UVSSA: variants seen among roughly 807,000 people sequenced by gnomAD.
The protein encoded by UVSSA is UV stimulated scaffold protein A.
In UVSSA, 72 loss-of-function variants were observed where a neutral mutation model predicts 73.9. The ratio of observed to expected loss-of-function variants is 0.97; its 90% confidence interval spans 0.81 to 1.19. The LOEUF is 1.19. Among genes scored for constraint, UVSSA ranks in the 50% most tolerant of loss-of-function variants. The pLI, the probability that UVSSA is intolerant of heterozygous loss-of-function variation, is 0.00. For synonymous variants in UVSSA, 454 were observed against 391.3 expected, an observed-to-expected ratio of 1.16 and a Z score of -1.89; for missense variants, 1,150 against 965.0, an observed-to-expected ratio of 1.19 and a Z score of -2.54.
chr4:1,362,354 A>G (rs780425552), intron 7 of UVSSA, among the ~76,000 whole-genome samples: 4 of 152,118 alleles, frequency 2.6e-5, no homozygotes, highest in South Asian at 2.1e-4. Context: ...GAGGCTTCCA[A>G]TGCCCCGCAG....
chr4:1,380,709 C>T, intron 11 of UVSSA, 171 bp from the exon 12 acceptor site: 1 of 1,545,050 alleles, frequency 6.5e-7, no homozygotes, highest in East Asian at 2.5e-5. Flanking sequence ...GTCCCTGTGG[C>T]TCTCAGGACG....
chr4:1,392,109 TAGC>T (rs1194231975), downstream of UVSSA: 1 of 152,246 alleles, frequency 6.6e-6, no homozygotes, highest in African/African-American at 2.4e-5. Context: ...GTAACTTTCT[TAGC>T]AGCTGCTCTG....
chr4:1,381,096 C>G, intron 12 of UVSSA, 108 bp downstream of exon 12: 1 of 1,035,912 alleles, frequency 9.7e-7, no homozygotes, highest in Non-Finnish European at 1.4e-6. Context: ...CTGCCAGCTT[C>G]GTCCATGGAG....
At chr4:1,356,046 C>A (rs562668825) in intron 7 of UVSSA, among the ~76,000 whole-genome samples, 1 of 152,106 alleles carries the variant, frequency 6.6e-6, no homozygotes, top group African/African-American at 2.4e-5. Flanking sequence ...AGGTACACAG[C>A]GGCCACCCTG....
intron 12 of UVSSA, among the ~76,000 whole-genome samples, chr4:1,383,317 C>A (rs951289935): frequency 2.0e-5 from 3 of 152,208 alleles, no homozygotes; most frequent in Admixed American, 6.5e-5. Flanking sequence ...CACCAGCAGG[C>A]GTGTCCAGCA....
intron 7 of UVSSA, among the ~76,000 whole-genome samples, chr4:1,361,043 C>T (rs1310562385): frequency 6.6e-6 from 1 of 152,252 alleles, no homozygotes; most frequent in African/African-American, 2.4e-5. Context: ...GAGAGCAACA[C>T]AGACCCAGGA....
intron 8 of UVSSA, among the ~76,000 whole-genome samples, chr4:1,368,485 C>T (rs1315890222): frequency 6.6e-6 from 1 of 152,254 alleles, no homozygotes; most frequent in Non-Finnish European, 1.5e-5. Flanking sequence ...CCAAACACAA[C>T]GGTGACAGCG....
chr4:1,380,081 G>A lies in UVSSA; in HGVS notation c.1603G>A (p.Glu535Lys), dbSNP rs533405632. ...CCAGCACCGCTTCTGGAAGCCCAGC[G>A]AGGTGGAGGAGGAAGTGGTCAATGC... ...DSQHRFWKPSEVEEEVVNADI... is the reference protein window; with the variant it reads ...DSQHRFWKPSKVEEEVVNADI... The change falls in exon 11 of 14, where the codon GAG becomes AAG. Residue 535 changes from glutamate to lysine, a missense_variant. Coordinates refer to ENST00000389851, the MANE Select transcript of UVSSA (RefSeq NM_020894.4). The A allele has an allele frequency of 2.9e-5, 47 of 1,611,436 alleles. 1 individual carries two copies. The highest frequency in any genetic ancestry group is 2.2e-4 in the South Asian group (20 of 90,676).
Position 1,348,187 on chromosome 4 carries a change from C to T in UVSSA, c.96C>T (p.Cys32=). The stretch of plus-strand genomic sequence containing the variant: ...AAATGAAGGAACTGAAGAAAATTTG[C>T]AAGTATGTCTTAGGGTTCAGTAACA... The part of the protein sequence containing the change: ...PEKMKELKKI[C]KSSEEQLSRA... The change falls in exon 2 of 14, where the codon TGC becomes TGT. Residue 32 remains cysteine, a splice_region_variant and synonymous_variant. Coordinates refer to ENST00000389851, the MANE Select transcript of UVSSA (RefSeq NM_020894.4). 2 of 1,612,374 alleles carry T rather than the reference C, an allele frequency of 1.2e-6. No individual in the cohort carries two copies. Among genetic ancestry groups the T allele is most frequent in the East Asian group, 4.5e-5 (2 of 44,876 alleles).
chr4:1,360,938 C>T (rs1560449185), intron 7 of UVSSA, among the ~76,000 whole-genome samples: 1 of 152,252 alleles, frequency 6.6e-6, no homozygotes, highest in Admixed American at 6.5e-5. Flanking sequence ...AGGCCCACAA[C>T]CTCTGCTCAG....
chr4:1,372,990 G>A (rs533486942), intron 8 of UVSSA, among the ~76,000 whole-genome samples: 6 of 151,860 alleles, frequency 4.0e-5, no homozygotes, highest in African/African-American at 9.7e-5. Context: ...TTTTCAAAGC[G>A]GACCTCACCA....
At chr4:1,379,618 A>G (rs1404936689) in intron 10 of UVSSA, among the ~76,000 whole-genome samples, 1 of 152,162 alleles carries the variant, frequency 6.6e-6, no homozygotes, top group African/African-American at 2.4e-5. Flanking sequence ...ACGTCCCTGC[A>G]GTGGAAGGAC....
chr4:1,373,521 C>T (rs906562747), intron 8 of UVSSA, among the ~76,000 whole-genome samples: 1 of 152,168 alleles, frequency 6.6e-6, no homozygotes, highest in African/African-American at 2.4e-5. Flanking sequence ...TCCTTCAATC[C>T]AATCAAGTTG....
At chr4:1,349,405 A>G in intron 2 of UVSSA, 119 bp from the exon 3 acceptor site, 1 of 947,372 alleles carries the variant, frequency 1.1e-6, no homozygotes, top group Non-Finnish European at 1.5e-6. Flanking sequence ...GGGAGAATGA[A>G]GATGGGAAGG....
At chr4:1,394,409 A>G in exon 14 of UVSSA, 1 of 1,556,234 alleles carries the variant, frequency 6.4e-7, no homozygotes, top group Non-Finnish European at 8.7e-7. Context: ...TTTCATTTTC[A>G]TATTGAAATC....
At chr4:1,371,271 TGTGTG>T (rs1718003680) in intron 8 of UVSSA, among the ~76,000 whole-genome samples, 3 of 147,188 alleles carry the variant, frequency 2.0e-5, no homozygotes, top group African/African-American at 8.1e-5. Flanking sequence ...TGTGTGTGTG[TGTGTG>T]TGTGTGTGTG....
At chr4:1,360,380 C>T (rs1716450977) in intron 7 of UVSSA, among the ~76,000 whole-genome samples, 1 of 148,390 alleles carries the variant, frequency 6.7e-6, no homozygotes. Context: ...CTCCTTGAAA[C>T]ACCGCCCCAT....
At position 1,356,274 on chromosome 4, in the gene UVSSA, T is replaced by G. The variant is rs368602396; in HGVS notation, c.1176+1029T>G. 4.7e-4 allele frequency among the ~76,000 whole-genome samples: 71 copies of G among 151,998 alleles called. 1 individual carries two copies. The South Asian group carries it at 0.014, about 30-fold the overall frequency. ...TCCACAGCAGCAGACGTGCGGGGCC[T>G]TGGAAGTTGGGGGGTGGGGAAGCTC... On this transcript the variant is annotated intron_variant, in intron 7 of 13. Coordinates refer to ENST00000389851, the MANE Select transcript of UVSSA (RefSeq NM_020894.4).
rs369644768 is a variant in UVSSA at position 1,380,170 on chromosome 4, G to A, written c.1692G>A (p.Gln564=). The change falls in exon 11 of 14, where the codon CAG becomes CAA. Residue 564 remains glutamine (Q), a synonymous_variant. Coordinates refer to ENST00000389851, the MANE Select transcript of UVSSA (RefSeq NM_020894.4). ...ITFAGKFEPV[Q]HWCRAPRPDG... Reference sequence around the variant, plus strand: ...TTGCCGGGAAGTTTGAGCCTGTGCAGCACTGGTGCCGTGCCCCGAGGCCAG... The same window carrying A: ...TTGCCGGGAAGTTTGAGCCTGTGCAACACTGGTGCCGTGCCCCGAGGCCAG... The A allele has an allele frequency of 1.2e-6, 2 of 1,613,154 alleles. No homozygotes were observed. The highest frequency in any genetic ancestry group is 8.5e-7 in the Non-Finnish European group (1 of 1,180,014).
Sources: gnomAD v4.1 joint callset for allele counts (sites outside exome capture counted in the v4.1 genomes callset) on GRCh38, gnomAD v4.1.1 for gene constraint, MANE v1.5 for transcripts, NCBI Gene and HGNC (gene_info 2026-07-23, HGNC 2026-07-21) for gene names.